The following TRPM1 variants were observed in gnomAD, a reference collection of about 807,000 sequenced individuals.
TRPM1 encodes the protein transient receptor potential cation channel subfamily M member 1.
TRPM1 carries 113 observed loss-of-function variants against 149.4 expected under a neutral mutation model. The observed-to-expected ratio is 0.76, with a 90% CI of 0.65 to 0.88. TRPM1 has a LOEUF of 0.88. Ranked by LOEUF, TRPM1 falls within the 40% of genes least tolerant of loss-of-function variation. TRPM1 has a pLI of 0.00. For synonymous variants in TRPM1, 741 were observed against 759.5 expected (o/e 0.98, Z 0.40); for missense variants, 1,976 against 2,038.7 (o/e 0.97, Z 0.59).
intron 1 of TRPM1, among the ~76,000 whole-genome samples, chr15:31,126,398 T>C (rs1028455130): frequency 2.0e-5 from 3 of 152,232 alleles, no homozygotes; most frequent in South Asian, 2.1e-4. Context: ...CTCTCTCTTA[T>C]GGATACCTCC....
At chr15:31,033,083 A>G in intron 21 of TRPM1, 143 bp from the exon 22 acceptor site, 2 of 1,101,384 alleles carry the variant, frequency 1.8e-6, no homozygotes, top group South Asian at 2.6e-5. Flanking sequence ...TCTTCTTCTC[A>G]GGCAGGGAGA....
At chr15:31,072,209 A>T (rs1254592706) in intron 3 of TRPM1, among the ~76,000 whole-genome samples, 2 of 151,744 alleles carry the variant, frequency 1.3e-5, no homozygotes, top group African/African-American at 2.4e-5. Flanking sequence ...CCAAGCCATA[A>T]GCAACCTCAA....
At chr15:31,047,329 T>A in intron 14 of TRPM1, 78 bp from the exon 15 acceptor site, 1 of 1,537,462 alleles carries the variant, frequency 6.5e-7, no homozygotes, top group Non-Finnish European at 9.0e-7. Flanking sequence ...AGGGGGTAAG[T>A]GGCTGTCCTG....
rs1183457215 is a variant in TRPM1 at position 31,057,500 on chromosome 15, T to C, written c.1263+3044A>G. ...CAAACCCCCATGACACAAGTTTACC[T>C]ACATAACAAACCTGCACTTGTACCC... On this transcript the variant is annotated intron_variant, in intron 11 of 27. Transcript: ENST00000256552. 4.6e-5 allele frequency among the ~76,000 whole-genome samples: 7 copies of C among 152,196 alleles called. No homozygotes were observed. In the East Asian group the frequency reaches 7.7e-4, roughly 17 times the overall value.
chr15:31,134,638 A>G (rs1449018178), intron 1 of TRPM1, among the ~76,000 whole-genome samples: 5 of 152,152 alleles, frequency 3.3e-5, no homozygotes, highest in African/African-American at 1.2e-4. Context: ...CCCCACACCC[A>G]TCCTTCTTGG....
intron 16 of TRPM1, 108 bp from the exon 17 acceptor site, chr15:31,042,351 CT>C: frequency 4.4e-6 from 5 of 1,144,094 alleles, no homozygotes; most frequent in Non-Finnish European, 6.3e-6. Context: ...AATAAAGAGA[CT>C]TCTGAAGTAC....
chr15:31,139,222 T>G (rs2036127933), intron 1 of TRPM1, among the ~76,000 whole-genome samples: 1 of 152,220 alleles, frequency 6.6e-6, no homozygotes, highest in African/African-American at 2.4e-5. Context: ...AGTACTCAGA[T>G]TTTTAGAAAT....
chr15:31,144,199 G>A (rs149022826), intron 1 of TRPM1, among the ~76,000 whole-genome samples: 132 of 152,288 alleles, frequency 8.7e-4, no homozygotes, highest in African/African-American at 3.1e-3. Flanking sequence ...CAGCACTCTG[G>A]GAGGCCGAGA....
In TRPM1 at chr15:31,068,744, C is replaced by CAAAAAAA. The variant is rs60411633; in HGVS notation, c.280-659_280-653dup. On this transcript the variant is annotated intron_variant, in intron 4 of 27. Transcript: ENST00000256552. ...GGGCAACAAGATCGAAACTCCAACTCAAAAAAAAAAAAAAAAAAAAAAAAA... is the reference window on the plus strand; with the variant it reads ...GGGCAACAAGATCGAAACTCCAACTCAAAAAAAAAAAAAAAAAAAAAAAAAAAAAAAA... Among the ~76,000 whole-genome samples, 528 of 60,150 alleles carry CAAAAAAA rather than the reference C, an allele frequency of 8.8e-3. 10 individuals carry two copies. The highest frequency in any genetic ancestry group is 0.012 in the Middle Eastern group (1 of 86). The allele number at this position is 60,150 out of a possible 152,430, so 39.5% of individuals were successfully genotyped here.
chr15:31,144,947 C>G (rs894627107), intron 1 of TRPM1, among the ~76,000 whole-genome samples: 1 of 151,976 alleles, frequency 6.6e-6, no homozygotes, highest in Non-Finnish European at 1.5e-5. Flanking sequence ...AGCTCCCGAC[C>G]TCAGGTAATC....
chr15:31,160,556 G>C (rs2036431590), intron 1 of TRPM1, among the ~76,000 whole-genome samples: 1 of 152,190 alleles, frequency 6.6e-6, no homozygotes, highest in Admixed American at 6.5e-5. Context: ...AGAGAACTAA[G>C]GGGCACCACC....
At chr15:31,070,271 C>G (rs1484677405) in intron 3 of TRPM1, 45 bp from the exon 4 acceptor site, 2 of 1,572,344 alleles carry the variant, frequency 1.3e-6, no homozygotes, top group Admixed American at 3.3e-5. Context: ...CAATCTCCCC[C>G]TTTCCCCTTC....
rs1337083667 is a variant in TRPM1 at position 31,006,326 on chromosome 15, C to T, written c.3630-3256G>A. Among the ~76,000 whole-genome samples, 7 of 152,110 alleles carry T rather than the reference C, an allele frequency of 4.6e-5. No individual in the cohort carries two copies. In the East Asian group the frequency reaches 5.8e-4, roughly 13 times the overall value. On this transcript the variant is annotated intron_variant, in intron 27 of 27. Transcript: ENST00000256552. ...CCAAGTAGCTGGGATCACAGGCGCC[C>T]GCCACCATGCCTGACTAATTTTTGT...
intron 1 of TRPM1, among the ~76,000 whole-genome samples, chr15:31,152,287 C>T (rs1449087078): frequency 6.6e-6 from 1 of 152,190 alleles, no homozygotes; most frequent in Non-Finnish European, 1.5e-5. Flanking sequence ...GGACCACCTG[C>T]CCAGCTTGGA....
At chr15:31,153,447 C>T (rs2036329015) in intron 1 of TRPM1, among the ~76,000 whole-genome samples, 1 of 152,184 alleles carries the variant, frequency 6.6e-6, no homozygotes, top group South Asian at 2.1e-4. Flanking sequence ...GTCTCACCCT[C>T]TTGAGTAGTG....
intron 3 of TRPM1, among the ~76,000 whole-genome samples, chr15:31,076,580 T>C (rs956504196): frequency 6.6e-6 from 1 of 152,222 alleles, no homozygotes; most frequent in African/African-American, 2.4e-5. Flanking sequence ...ATTATGAAAC[T>C]CTATTGAAGA....
chr15:31,112,200 G>A (rs1305926301), intron 1 of TRPM1, among the ~76,000 whole-genome samples: 4 of 152,182 alleles, frequency 2.6e-5, no homozygotes, highest in African/African-American at 9.7e-5. Context: ...CAGAAATTGA[G>A]TGGCTGGGAG....
chr15:31,078,995 G>C (rs2034785821), intron 2 of TRPM1, among the ~76,000 whole-genome samples: 1 of 152,202 alleles, frequency 6.6e-6, no homozygotes, highest in Admixed American at 6.5e-5. Context: ...ATTGGAGCTG[G>C]GTTTCTCACT....
intron 20 of TRPM1, 64 bp from the exon 21 acceptor site, chr15:31,035,738 G>T: frequency 6.2e-7 from 1 of 1,609,970 alleles, no homozygotes; most frequent in Non-Finnish European, 8.5e-7. Context: ...ATTTTGAAAC[G>T]CTGTTTTCTT....
Sources: allele counts gnomAD v4.1 joint callset (sites outside exome capture counted in the v4.1 genomes callset), GRCh38; gene constraint gnomAD v4.1.1; transcripts MANE v1.5; gene names NCBI Gene and HGNC (gene_info 2026-07-23, HGNC 2026-07-21).